CNOT6: variants seen among roughly 807,000 people sequenced by gnomAD.
CNOT6 encodes the protein CCR4-NOT transcription complex subunit 6.
Under a neutral mutation model 61.2 loss-of-function variants are expected in CNOT6, and 12 were observed. The observed-to-expected ratio is 0.20, with a 90% CI of 0.13 to 0.32. The LOEUF (loss-of-function observed/expected upper bound fraction) is 0.32, where lower values mean the gene tolerates loss of function less well. CNOT6 is among the 10% of genes least tolerant of loss of function. The pLI, the probability that CNOT6 is intolerant of heterozygous loss-of-function variation, is 1.00. For synonymous variants in CNOT6, 225 were observed against 240.6 expected, an observed-to-expected ratio of 0.94 and a Z score of 0.60; for missense variants, 405 against 663.9, an observed-to-expected ratio of 0.61 and a Z score of 4.28.
At chr5:180,509,231 A>G (rs1379975329) in intron 1 of CNOT6, among the ~76,000 whole-genome samples, 1 of 152,190 alleles carries the variant, frequency 6.6e-6, no homozygotes, top group Non-Finnish European at 1.5e-5. Context: ...TCCTGGGCTC[A>G]AGCCGTCCTC....
chr5:180,541,577 G>A (rs1039282895), intron 2 of CNOT6, among the ~76,000 whole-genome samples: 5 of 148,396 alleles, frequency 3.4e-5, no homozygotes, highest in African/African-American at 5.0e-5. Context: ...TCAGCCTCCC[G>A]AGTAGCTGGG....
In CNOT6 at chr5:180,575,575, AT is replaced by A. The variant is rs1449414203; in HGVS notation, c.*1380del. ...GGTCCCTAAGACAATTCTTCAGATCATTTTTAAAATGACTAAGTCATTTTAG... is the reference window on the plus strand; with the variant it reads ...GGTCCCTAAGACAATTCTTCAGATCATTTTAAAATGACTAAGTCATTTTAG... On this transcript the variant is annotated 3_prime_UTR_variant, in exon 12 of 12. Transcript: ENST00000261951. The A allele has an allele frequency of 6.5e-5, 10 of 152,686 alleles. No individual in the cohort carries two copies. Among genetic ancestry groups the A allele is most frequent in the African/African-American group, 2.4e-4 (10 of 41,544 alleles). The allele number at this position is 152,686 out of a possible 1,614,324, so 9.5% of individuals were successfully genotyped here. A position where few individuals can be genotyped will look rare whatever the true frequency, so the allele number is the denominator to read the frequency against.
chr5:180,495,912 AATTT>A (rs1451845630), intron 1 of CNOT6, among the ~76,000 whole-genome samples: 1 of 152,034 alleles, frequency 6.6e-6, no homozygotes, highest in Non-Finnish European at 1.5e-5. Context: ...GTCTTTATTT[AATTT>A]ATTTATTGTT....
intron 4 of CNOT6, among the ~76,000 whole-genome samples, chr5:180,560,164 C>G (rs1319145992): frequency 6.6e-6 from 1 of 152,058 alleles, no homozygotes; most frequent in Non-Finnish European, 1.5e-5. Flanking sequence ...TCAGGCTGGT[C>G]TTGAACTCCT....
chr5:180,506,206 C>T (rs1468393937), intron 1 of CNOT6, among the ~76,000 whole-genome samples: 1 of 152,114 alleles, frequency 6.6e-6, no homozygotes, highest in East Asian at 1.9e-4. Flanking sequence ...GTCTCAGTTT[C>T]GTCTTCTATA....
intron 2 of CNOT6, among the ~76,000 whole-genome samples, chr5:180,532,405 C>T (rs754885410): frequency 6.6e-6 from 1 of 152,200 alleles, no homozygotes; most frequent in African/African-American, 2.4e-5. Flanking sequence ...CCTTCCACCA[C>T]ATGCTGTGAA....
At chr5:180,499,557 A>G (rs1756771743) in intron 1 of CNOT6, among the ~76,000 whole-genome samples, 3 of 152,268 alleles carry the variant, frequency 2.0e-5, no homozygotes, top group Admixed American at 1.3e-4. Flanking sequence ...CTGTAAAGCA[A>G]CATACAGGTT....
chr5:180,526,965 A>G (rs1332964207), intron 1 of CNOT6, among the ~76,000 whole-genome samples: 1 of 151,130 alleles, frequency 6.6e-6, no homozygotes, highest in African/African-American at 2.4e-5. Context: ...CTGCAGCCTC[A>G]ACCTCCTGGG....
intron 11 of CNOT6, 55 bp from the exon 12 acceptor site, chr5:180,573,933 G>A: frequency 8.2e-7 from 1 of 1,213,334 alleles, no homozygotes; most frequent in South Asian, 1.2e-5. Flanking sequence ...TGAAAGCACT[G>A]AGGATTTTAG....
At chr5:180,516,836 A>G (rs1757658483) in intron 1 of CNOT6, among the ~76,000 whole-genome samples, 1 of 152,202 alleles carries the variant, frequency 6.6e-6, no homozygotes, top group South Asian at 2.1e-4. Flanking sequence ...GTTTACTTGC[A>G]GAAAATCCCA....
chr5:180,547,263 T>TA (rs1399894111), intron 2 of CNOT6, among the ~76,000 whole-genome samples: 2 of 152,144 alleles, frequency 1.3e-5, no homozygotes, highest in Non-Finnish European at 2.9e-5. Flanking sequence ...CTCACGCCTG[T>TA]ATTCCCAGCA....
intron 4 of CNOT6, among the ~76,000 whole-genome samples, chr5:180,563,946 C>T (rs1760321426): frequency 6.6e-6 from 1 of 152,086 alleles, no homozygotes; most frequent in African/African-American, 2.4e-5. Context: ...TTTTCCCCCT[C>T]CTTAGTGAGT....
In CNOT6 at chr5:180,576,510, A is replaced by T. The variant is rs866219661; in HGVS notation, c.*2310A>T. ...TTTGAATTTGGGGCAGCATATTAAG[A>T]TGTAATGGCCTGTTATGTCTTGAAA... is the stretch of plus-strand genomic sequence containing the variant. On this transcript the variant is annotated 3_prime_UTR_variant, in exon 12 of 12. Transcript: ENST00000261951. 7.9e-5 allele frequency: 12 copies of T among 152,762 alleles called. No homozygotes were observed. Among genetic ancestry groups the T allele is most frequent in the African/African-American group, 2.2e-4 (9 of 41,568 alleles). 9.5% of individuals were successfully genotyped at this position (152,762 alleles called of 1,614,324 possible). A position where few individuals can be genotyped will look rare whatever the true frequency, so the allele number is the denominator to read the frequency against.
At chr5:180,549,184 G>GT (rs1759464148) in intron 2 of CNOT6, among the ~76,000 whole-genome samples, 12 of 152,136 alleles carry the variant, frequency 7.9e-5, no homozygotes, top group Admixed American at 7.9e-4. Context: ...AGTACCTTGT[G>GT]TTCCTTTTTG....
rs200906528 is a variant in CNOT6, at chr5:180,551,004, T to TA, written c.299+894dup. Among the ~76,000 whole-genome samples the TA allele has an allele frequency of 6.2e-3, 945 of 152,104 alleles. 10 individuals are homozygous for TA. The highest frequency in any genetic ancestry group is 0.022 in the African/African-American group (906 of 41,500). On this transcript the variant is annotated intron_variant, in intron 3 of 11. Coordinates refer to ENST00000261951, the MANE Select transcript of CNOT6 (RefSeq NM_001370472.1). The stretch of plus-strand genomic sequence containing the variant: ...GATAAGGGATGTTTGAGATAATGGG[T>TA]AAAAAAACACTAGTACCTTGCCTGG...
chr5:180,560,549 T>C (rs1035823575), intron 4 of CNOT6, among the ~76,000 whole-genome samples: 1 of 152,226 alleles, frequency 6.6e-6, no homozygotes, highest in Non-Finnish European at 1.5e-5. Context: ...GCTGCTTCCT[T>C]CTGGCTTCCA....
intron 1 of CNOT6, among the ~76,000 whole-genome samples, chr5:180,508,818 T>TTTATTA (rs112012463): frequency 5.9e-4 from 82 of 138,490 alleles, no homozygotes; most frequent in African/African-American, 1.9e-3. Flanking sequence ...ATTAATTAAT[T>TTTATTA]TTATTATTAT....
intron 1 of CNOT6, among the ~76,000 whole-genome samples, chr5:180,504,536 A>G (rs1209484263): frequency 6.6e-6 from 1 of 152,196 alleles, no homozygotes; most frequent in Non-Finnish European, 1.5e-5. Flanking sequence ...AAGTCTGGCA[A>G]AAGGTAAGAA....
At chr5:180,548,641 T>A (rs1402162328) in intron 2 of CNOT6, among the ~76,000 whole-genome samples, 1 of 152,200 alleles carries the variant, frequency 6.6e-6, no homozygotes, top group Non-Finnish European at 1.5e-5. Flanking sequence ...CCTGTTTGTT[T>A]CCCACCCTTC....
Sources: gnomAD v4.1 joint callset for allele counts (sites outside exome capture counted in the v4.1 genomes callset) on GRCh38, gnomAD v4.1.1 for gene constraint, MANE v1.5 for transcripts, NCBI Gene and HGNC (gene_info 2026-07-23, HGNC 2026-07-21) for gene names.